TBC1D32: variants seen among roughly 807,000 people sequenced by gnomAD.
The protein encoded by TBC1D32 is TBC1 domain family member 32.
TBC1D32 carries 151 observed loss-of-function variants against 170.3 expected under a neutral mutation model. The observed-to-expected ratio is 0.89, with a 90% confidence interval of 0.78 to 1.01. The LOEUF (loss-of-function observed/expected upper bound fraction) is 1.01. Among genes scored for constraint, TBC1D32 ranks in the 50% least tolerant of loss-of-function variants. TBC1D32 has a pLI of 0.00. For synonymous variants in TBC1D32, 498 were observed against 488.0 expected (o/e 1.02, Z -0.27); for missense variants, 1,464 against 1,457.1 (o/e 1.00, Z -0.08).
At chr6:121,147,157 C>G (rs1383486896) in intron 24 of TBC1D32, among the ~76,000 whole-genome samples, 1 of 152,114 alleles carries the variant, frequency 6.6e-6, no homozygotes, top group Non-Finnish European at 1.5e-5. Flanking sequence ...GATTTCATTC[C>G]TTTTTATGGC....
rs1803891969 is a variant in TBC1D32, at chr6:121,286,642, A to G, written c.1373-2732T>C. ...GCAGGCCAACATTCAAATTCAGGAA[A>G]TACAGAGAACGCCACAAAGATATTC... On this transcript the variant is annotated intron_variant, in intron 12 of 31. Coordinates refer to ENST00000398212, the MANE Select transcript of TBC1D32 (RefSeq NM_152730.6). Among the ~76,000 whole-genome samples the G allele has an allele frequency of 2.6e-5, 4 of 152,182 alleles. No homozygotes were observed. In the South Asian group the frequency reaches 6.2e-4, roughly 24 times the overall value.
At chr6:121,291,272 C>G (rs1804824277) in intron 12 of TBC1D32, among the ~76,000 whole-genome samples, 1 of 151,994 alleles carries the variant, frequency 6.6e-6, no homozygotes, top group Admixed American at 6.6e-5. Context: ...ATCTAAGTTC[C>G]TAGGTCCCAG....
At chr6:121,274,863 T>C (rs1210466343) in intron 15 of TBC1D32, among the ~76,000 whole-genome samples, 9 of 152,170 alleles carry the variant, frequency 5.9e-5, no homozygotes, top group Non-Finnish European at 7.3e-5. Context: ...CTCCTGGACT[T>C]TGGTATTTTA....
intron 24 of TBC1D32, among the ~76,000 whole-genome samples, chr6:121,151,670 T>C (rs1784229039): frequency 6.6e-6 from 1 of 152,238 alleles, no homozygotes; most frequent in Non-Finnish European, 1.5e-5. Context: ...ACTTGCTTTA[T>C]GAATCTAGGT....
In TBC1D32 at chr6:121,283,944, T is replaced by C. The variant is rs759248582; in HGVS notation, c.1373-34A>G. The C allele has an allele frequency of 1.8e-5, 26 of 1,441,302 alleles. No individual in the cohort carries two copies. The East Asian group carries it at 3.5e-4, about 20-fold the overall frequency. The allele number at this position is 1,441,302 out of a possible 1,614,324, so 89.3% of individuals were successfully genotyped here. A position where few individuals can be genotyped will look rare whatever the true frequency, so the allele number is the denominator to read the frequency against. On this transcript the variant is annotated intron_variant, in intron 12 of 31. Transcript: ENST00000398212. ...AGAAAATAAAGAGAAAATTAATTTCTAGCATATTCTTTCAACTTAAGAGAA... is the reference window on the plus strand; with the variant it reads ...AGAAAATAAAGAGAAAATTAATTTCCAGCATATTCTTTCAACTTAAGAGAA...
chr6:121,245,240 G>C (rs1797447559), intron 17 of TBC1D32, among the ~76,000 whole-genome samples: 2 of 152,202 alleles, frequency 1.3e-5, no homozygotes, highest in Admixed American at 1.3e-4. Context: ...GCAGGTGCTG[G>C]TATCCACTGC....
chr6:121,203,527 A>C (rs891437346), intron 22 of TBC1D32, among the ~76,000 whole-genome samples: 6 of 151,480 alleles, frequency 4.0e-5, no homozygotes, highest in Non-Finnish European at 7.4e-5. Context: ...ATAAAGAAAG[A>C]CATGAAGAAC....
intron 22 of TBC1D32, chr6:121,170,346 C>T (rs1287543792): frequency 1.4e-6 from 2 of 1,466,610 alleles, no homozygotes; most frequent in Non-Finnish European, 1.8e-6. Context: ...AAATTACTGT[C>T]TTAACAAAAC....
intron 31 of TBC1D32, among the ~76,000 whole-genome samples, chr6:121,090,183 C>T (rs530086434): frequency 1.2e-4 from 19 of 152,218 alleles, no homozygotes; most frequent in African/African-American, 4.3e-4. Context: ...CCGCCCGTCT[C>T]GGCCTCCCAA....
chr6:121,173,215 C>T (rs1283372713), intron 22 of TBC1D32, among the ~76,000 whole-genome samples: 1 of 152,120 alleles, frequency 6.6e-6, no homozygotes, highest in Non-Finnish European at 1.5e-5. Context: ...TTCCAACCTA[C>T]ATCTTTCTCC....
chr6:121,114,498 T>C (rs1458458257), intron 27 of TBC1D32, among the ~76,000 whole-genome samples: 1 of 152,186 alleles, frequency 6.6e-6, no homozygotes, highest in Non-Finnish European at 1.5e-5. Flanking sequence ...GAGAATCATA[T>C]GCCCTATGTG....
intron 29 of TBC1D32, among the ~76,000 whole-genome samples, chr6:121,111,130 A>G (rs764990513): frequency 1.3e-5 from 2 of 152,212 alleles, no homozygotes; most frequent in Non-Finnish European, 2.9e-5. Flanking sequence ...GGTAAGTCAA[A>G]TAAAATTCAA....
chr6:121,084,271 G>A (rs1392624604), intron 31 of TBC1D32, among the ~76,000 whole-genome samples: 2 of 152,096 alleles, frequency 1.3e-5, no homozygotes, highest in African/African-American at 4.8e-5. Context: ...AGAGTAGTTG[G>A]TTCACGGTTG....
At chr6:121,102,766 G>C (rs1778261262) in intron 30 of TBC1D32, among the ~76,000 whole-genome samples, 2 of 152,070 alleles carry the variant, frequency 1.3e-5, no homozygotes. Flanking sequence ...AAGAGCTTCT[G>C]CACAGCAAAA....
chr6:121,158,823 C>T (rs1193290377), intron 24 of TBC1D32, among the ~76,000 whole-genome samples: 2 of 152,114 alleles, frequency 1.3e-5, no homozygotes, highest in African/African-American at 2.4e-5. Flanking sequence ...GCAGATAGGC[C>T]ATGTAGCTTC....
At chr6:121,108,777 A>G (rs559128608) in intron 29 of TBC1D32, among the ~76,000 whole-genome samples, 3 of 152,102 alleles carry the variant, frequency 2.0e-5, no homozygotes, top group Admixed American at 6.5e-5. Context: ...AATTAAATAG[A>G]AAGACCCCAT....
At chr6:121,115,043 C>A in intron 27 of TBC1D32, 129 bp downstream of exon 27, 1 of 584,872 alleles carries the variant, frequency 1.7e-6, no homozygotes, top group Non-Finnish European at 2.7e-6. Flanking sequence ...AAGTCATTTT[C>A]CGAATGATAA....
chr6:121,110,585 AAT>A (rs1779107070), intron 29 of TBC1D32, among the ~76,000 whole-genome samples: 1 of 152,140 alleles, frequency 6.6e-6, no homozygotes, highest in Admixed American at 6.5e-5. Context: ...AGCTATAGCC[AAT>A]GTGTCTGTCA....
At chr6:121,177,903 T>C (rs978044747) in intron 22 of TBC1D32, among the ~76,000 whole-genome samples, 1 of 152,084 alleles carries the variant, frequency 6.6e-6, no homozygotes, top group Non-Finnish European at 1.5e-5. Context: ...AAAACAATAC[T>C]AGGTAGGTGT....
Sources: allele counts gnomAD v4.1 joint callset (sites outside exome capture counted in the v4.1 genomes callset), GRCh38; gene constraint gnomAD v4.1.1; transcripts MANE v1.5; gene names NCBI Gene and HGNC (gene_info 2026-07-23, HGNC 2026-07-21).